The following UGT1A10 variants were observed in gnomAD, a reference collection of about 807,000 sequenced individuals.
UGT1A10 encodes UDP-glucuronosyltransferase 1A10.
A neutral mutation model predicts 45.8 loss-of-function variants in UGT1A10; 49 were observed. That is an observed-to-expected ratio of 1.07 (90% confidence interval 0.85 to 1.36). UGT1A10 has a LOEUF of 1.36. Ranked by LOEUF, UGT1A10 falls within the 40% of genes most tolerant of loss-of-function variation. UGT1A10 has a pLI of 0.00. For missense variants in UGT1A10, 745 were observed against 668.6 expected (o/e 1.11, Z -1.26); for synonymous variants, 284 against 249.7 (o/e 1.14, Z -1.29).
At position 233,772,264 on chromosome 2, in the gene UGT1A10, A is replaced by T. The variant is rs766626435; in HGVS notation, c.1298A>T (p.Tyr433Phe). ...AACGAAACTGTCTTTGTGTTTAGTTACAAGGAGAACATCATGCGCCTCTCC... is the reference window on the plus strand; with the variant it reads ...AACGAAACTGTCTTTGTGTTTAGTTTCAAGGAGAACATCATGCGCCTCTCC... ...ALKAVINDKSYKENIMRLSSL... is the reference protein window; with the variant it reads ...ALKAVINDKSFKENIMRLSSL... The change falls in exon 5 of 5, where the codon TAC (tyrosine) becomes TTC (phenylalanine). Residue 433 changes from tyrosine (Y) to phenylalanine (F), a missense_variant and splice_region_variant. Transcript: ENST00000344644. 1.9e-6 allele frequency: 3 copies of T among 1,614,262 alleles called. No individual in the cohort carries two copies. Among genetic ancestry groups the T allele is most frequent in the Non-Finnish European group, 2.5e-6 (3 of 1,180,060 alleles).
intron 1 of UGT1A10, among the ~76,000 whole-genome samples, chr2:233,717,477 G>T (rs551633792): frequency 6.6e-6 from 1 of 152,346 alleles, no homozygotes; most frequent in East Asian, 1.9e-4. Context: ...TGTGTCCAAA[G>T]GTGGAATCTG....
chr2:233,760,213 G>A (rs1697347884), intron 1 of UGT1A10: 1 of 1,592,276 alleles, frequency 6.3e-7, no homozygotes, highest in Non-Finnish European at 8.5e-7. Context: ...CATTAACTTG[G>A]TGTATCGATT....
At chr2:233,663,604 C>G (rs1404216817) in intron 1 of UGT1A10, among the ~76,000 whole-genome samples, 1 of 152,150 alleles carries the variant, frequency 6.6e-6, no homozygotes, top group African/African-American at 2.4e-5. Context: ...ACCATAATTT[C>G]TAATCTTGTG....
intron 1 of UGT1A10, among the ~76,000 whole-genome samples, chr2:233,679,943 C>G (rs944629060): frequency 6.6e-6 from 1 of 152,082 alleles, no homozygotes; most frequent in Non-Finnish European, 1.5e-5. Context: ...CAAAAAGATG[C>G]GAGGTTTGGC....
At chr2:233,762,623 C>A (rs1698115974) in intron 1 of UGT1A10, among the ~76,000 whole-genome samples, 1 of 152,126 alleles carries the variant, frequency 6.6e-6, no homozygotes, top group Non-Finnish European at 1.5e-5. Flanking sequence ...GTTGTGACCT[C>A]AAACACTTCC....
chr2:233,638,300 A>C (rs544608346), intron 1 of UGT1A10, among the ~76,000 whole-genome samples: 9 of 152,202 alleles, frequency 5.9e-5, no homozygotes, highest in Non-Finnish European at 1.3e-4. Context: ...TATTTTGTAC[A>C]GGGCAATGTT....
At chr2:233,689,645 A>G (rs2074951924) in intron 1 of UGT1A10, among the ~76,000 whole-genome samples, 1 of 152,200 alleles carries the variant, frequency 6.6e-6, no homozygotes, top group African/African-American at 2.4e-5. Flanking sequence ...GCTCTTGCTC[A>G]TGAGTGTGAC....
At chr2:233,702,470 T>C (rs1388086683) in intron 1 of UGT1A10, among the ~76,000 whole-genome samples, 1 of 152,192 alleles carries the variant, frequency 6.6e-6, no homozygotes, top group Non-Finnish European at 1.5e-5. Context: ...CTTATCTAAT[T>C]GCCCTGGCTT....
At chr2:233,729,066 A>G (rs1283687503) in intron 1 of UGT1A10, 3 of 1,611,112 alleles carry the variant, frequency 1.9e-6, no homozygotes, top group Non-Finnish European at 2.5e-6. Context: ...TAAGATGAAG[A>G]AAGCAAATGT....
At chr2:233,743,673 G>C (rs1692427758) in intron 1 of UGT1A10, 4 of 1,367,190 alleles carry the variant, frequency 2.9e-6, no homozygotes, top group Middle Eastern at 4.2e-4. Context: ...TCCTCGAAGG[G>C]CCTGCCGCCT....
At chr2:233,724,165 C>G (rs1303959593) in intron 1 of UGT1A10, among the ~76,000 whole-genome samples, 1 of 112,732 alleles carries the variant, frequency 8.9e-6, no homozygotes, top group African/African-American at 4.2e-5. Context: ...GGGGGGCTGA[C>G]CCCCCCATCT....
intron 1 of UGT1A10, among the ~76,000 whole-genome samples, chr2:233,756,782 T>C (rs754462005): frequency 2.0e-5 from 3 of 152,090 alleles, no homozygotes; most frequent in Non-Finnish European, 4.4e-5. Context: ...CTTTGATAAA[T>C]TGTGGGGCAA....
At chr2:233,757,520 A>G (rs1696548795) in intron 1 of UGT1A10, among the ~76,000 whole-genome samples, 1 of 144,544 alleles carries the variant, frequency 6.9e-6, no homozygotes. Flanking sequence ...CAAAGCCAAA[A>G]TCTTGCCTGT....
chr2:233,768,242 TATCACCC>T lies in UGT1A10; in HGVS notation c.1101_1107del (p.Ile367MetfsTer18), dbSNP rs1699593680. On this transcript the variant is annotated frameshift_variant, in exon 4 of 5. Transcript: ENST00000344644. LOFTEE classifies it high-confidence loss of function. ...CAGGTCACCCGATGACCCGTGCCTT[TATCACCC>T]ATGCTGGTTCCCATGGTGTTTATGA... 2 of 1,614,112 alleles carry T rather than the reference TATCACCC, an allele frequency of 1.2e-6. No individual in the cohort carries two copies. The highest frequency in any genetic ancestry group is 1.7e-5 in the Admixed American group (1 of 60,004).
At chr2:233,683,676 C>A (rs45486299) in intron 1 of UGT1A10, among the ~76,000 whole-genome samples, 1 of 152,170 alleles carries the variant, frequency 6.6e-6, no homozygotes, top group Admixed American at 6.5e-5. Context: ...TCTTATTAAC[C>A]TTTATTCCTC....
intron 1 of UGT1A10, chr2:233,692,705 A>T: frequency 2.3e-6 from 1 of 440,436 alleles, no homozygotes; most frequent in Non-Finnish European, 3.0e-6. Context: ...TCTCCAAGTC[A>T]TCTTCAAAGT....
intron 1 of UGT1A10, chr2:233,672,242 G>C (rs555995846): frequency 1.2e-6 from 2 of 1,614,052 alleles, no homozygotes; most frequent in African/African-American, 1.3e-5. Context: ...GCACAAGTAC[G>C]AAGTATATAT....
intron 1 of UGT1A10, among the ~76,000 whole-genome samples, chr2:233,760,062 T>A (rs957059658): frequency 6.6e-5 from 10 of 152,144 alleles, no homozygotes; most frequent in African/African-American, 2.4e-4. Context: ...AGAATGTGAT[T>A]TGAGTATGAA....
At chr2:233,654,652 C>T (rs1312985863) in intron 1 of UGT1A10, among the ~76,000 whole-genome samples, 6 of 152,226 alleles carry the variant, frequency 3.9e-5, no homozygotes, top group Admixed American at 3.9e-4. Flanking sequence ...GGCGACATAG[C>T]AACACCAATT....
Sources: allele counts gnomAD v4.1 joint callset (sites outside exome capture counted in the v4.1 genomes callset), GRCh38; gene constraint gnomAD v4.1.1; transcripts MANE v1.5; gene names NCBI Gene and HGNC (gene_info 2026-07-23, HGNC 2026-07-21).